ABRAXAS1: variants seen among roughly 807,000 people sequenced by gnomAD.
ABRAXAS1 encodes abraxas 1, BRCA1 A complex subunit, also known as BRCA1-A complex subunit Abraxas 1.
ABRAXAS1 carries 26 observed loss-of-function variants against 38.4 expected under a neutral mutation model. The observed-to-expected ratio is 0.68, with a 90% confidence interval of 0.50 to 0.94. ABRAXAS1 has a LOEUF of 0.94. Ranked by LOEUF, ABRAXAS1 falls within the 40% of genes least tolerant of loss-of-function variation. The pLI, the probability that ABRAXAS1 is intolerant of heterozygous loss-of-function variation, is 0.00. For missense variants in ABRAXAS1, 438 were observed against 481.9 expected (o/e 0.91, Z 0.85); for synonymous variants, 144 against 165.5 (o/e 0.87, Z 1.00).
chr4:83,459,845 T>G lies in ABRAXAS1; in HGVS notation c.*2624A>C, dbSNP rs1241238615. 2 of 1,443,712 alleles carry G rather than the reference T, an allele frequency of 1.4e-6. No individual in the cohort carries two copies. The highest frequency in any genetic ancestry group is 2.0e-5 in the Admixed American group (1 of 49,000). 89.4% of individuals were successfully genotyped at this position (1,443,712 alleles called of 1,614,324 possible). ...AATATAAATGTAGATACGAATTATA[T>G]CAATCTATTTCTATCATTTAAGAAA... On this transcript the variant is annotated 3_prime_UTR_variant, in exon 9 of 9. Transcript: ENST00000321945.
intron 1 of ABRAXAS1, chr4:83,484,087 C>G: frequency 1.1e-6 from 1 of 948,698 alleles, no homozygotes; most frequent in Non-Finnish European, 1.3e-6. Flanking sequence ...CCGATGGTCT[C>G]GAACTCGTGG....
At chr4:83,471,096 G>A (rs567161147) in intron 4 of ABRAXAS1, among the ~76,000 whole-genome samples, 2 of 150,940 alleles carry the variant, frequency 1.3e-5, no homozygotes, top group South Asian at 2.1e-4. Context: ...TTAAAAATAA[G>A]GCATTTTTAC....
intron 1 of ABRAXAS1, 71 bp from the exon 2 acceptor site, chr4:83,482,315 CTGAG>C (rs1578136782): frequency 4.2e-6 from 4 of 960,628 alleles, no homozygotes; most frequent in Non-Finnish European, 4.8e-6. Context: ...ACCGTATTTC[CTGAG>C]TATTTTACTA....
intron 3 of ABRAXAS1, among the ~76,000 whole-genome samples, chr4:83,474,428 C>G (rs76268994): frequency 0.026 from 3,872 of 151,806 alleles, 158 homozygotes; most frequent in African/African-American, 0.088. Flanking sequence ...ATGTAGTAAA[C>G]AAGGCCAGGC....
In ABRAXAS1 at chr4:83,470,601, G is replaced by T. The variant is rs368005955; in HGVS notation, c.283-205C>A. 9.9e-5 allele frequency among the ~76,000 whole-genome samples: 15 copies of T among 151,878 alleles called. 1 individual carries two copies. The highest frequency in any genetic ancestry group is 8.5e-4 in the Admixed American group (13 of 15,246). On this transcript the variant is annotated intron_variant, in intron 4 of 8. Transcript: ENST00000321945. Reference sequence around the variant, plus strand: ...GACTTACTTTCCATTCATTTGAAAGGGTACGGTTTTCATCAATATAGATTA... The same window carrying T: ...GACTTACTTTCCATTCATTTGAAAGTGTACGGTTTTCATCAATATAGATTA...
Position 83,470,393 on chromosome 4 carries a change from C to T in ABRAXAS1, c.286G>A (p.Val96Met), listed in dbSNP as rs1722535498. The T allele has an allele frequency of 6.2e-7, 1 of 1,609,216 alleles. No homozygotes were observed. Among genetic ancestry groups the T allele is most frequent in the African/African-American group, 1.3e-5 (1 of 74,792 alleles). ...CGACGGAATTTGTACCAACCTACCA[C>T]ATTCTGAAATACAGAATAAAAAGGA... ...KKILSNVKKN[V>M]VGWYKFRRHS... Residue 96 changes from valine to methionine, a missense_variant, in exon 5 of 9, where the codon GTG becomes ATG. Coordinates refer to ENST00000321945, the MANE Select transcript of ABRAXAS1 (RefSeq NM_139076.3).
chr4:83,476,756 A>G, intron 2 of ABRAXAS1, 77 bp from the exon 3 acceptor site: 1 of 913,930 alleles, frequency 1.1e-6, no homozygotes, highest in Non-Finnish European at 1.8e-6. Context: ...TTGAGCCTTT[A>G]CCTCACGCCA....
At chr4:83,476,964 C>T (rs1722798132) in intron 2 of ABRAXAS1, among the ~76,000 whole-genome samples, 1 of 152,200 alleles carries the variant, frequency 6.6e-6, no homozygotes, top group South Asian at 2.1e-4. Context: ...AAATAACGGT[C>T]TAATAAGTCC....
intron 4 of ABRAXAS1, among the ~76,000 whole-genome samples, chr4:83,471,611 G>C (rs1722594482): frequency 6.6e-6 from 1 of 152,080 alleles, no homozygotes; most frequent in Non-Finnish European, 1.5e-5. Context: ...AATCCATTTT[G>C]ATCATTCAAC....
intron 7 of ABRAXAS1, among the ~76,000 whole-genome samples, chr4:83,464,274 A>G (rs753990657): frequency 2.6e-5 from 4 of 152,248 alleles, no homozygotes; most frequent in Non-Finnish European, 5.9e-5. Context: ...ACTCACAGTA[A>G]GTGAAACAAA....
Position 83,461,259 on chromosome 4 carries a change from T to C in ABRAXAS1, c.*1210A>G. ...GTAAGTGGTTGTATGATGCCAATAC[T>C]GACTCAAACCAACCTTTGGATAGAA... On this transcript the variant is annotated 3_prime_UTR_variant, in exon 9 of 9. Transcript: ENST00000321945. 7.0e-7 allele frequency: 1 copy of C among 1,419,268 alleles called. No homozygotes were observed. Among genetic ancestry groups the C allele is most frequent in the South Asian group, 1.2e-5 (1 of 86,274 alleles). The allele number at this position is 1,419,268 out of a possible 1,614,324, so 87.9% of individuals were successfully genotyped here.
At chr4:83,484,651 G>C (rs1723115521) in intron 1 of ABRAXAS1, among the ~76,000 whole-genome samples, 1 of 152,258 alleles carries the variant, frequency 6.6e-6, no homozygotes, top group Non-Finnish European at 1.5e-5. Flanking sequence ...GCTCCGCAGA[G>C]CAGCGGAAAG....
At chr4:83,483,536 G>A (rs114613720) in intron 1 of ABRAXAS1, among the ~76,000 whole-genome samples, 3,629 of 151,968 alleles carry the variant, frequency 0.024, 136 homozygotes, top group African/African-American at 0.083. Context: ...TCCTGCCTCC[G>A]CGTCCCAAAG....
rs869128932 is a variant in ABRAXAS1, at chr4:83,471,191, CTTTTTTTTTTTTTTTTTTTTT to C, written c.283-816_283-796del. 1.7e-3 allele frequency among the ~76,000 whole-genome samples: 99 copies of C among 58,202 alleles called. 1 individual carries two copies. The highest frequency in any genetic ancestry group is 4.8e-3 in the African/African-American group (95 of 19,752). 38.2% of individuals were successfully genotyped at this position (58,202 alleles called of 152,430 possible). A position where few individuals can be genotyped will look rare whatever the true frequency, so the allele number is the denominator to read the frequency against. On this transcript the variant is annotated intron_variant, in intron 4 of 8. Transcript: ENST00000321945. Reference sequence around the variant, plus strand: ...CAAACATATTTGTTGAAAGAAACATCTTTTTTTTTTTTTTTTTTTTTTTTTTTTTTTTGAGACAGTCTGGCT... The same window carrying C: ...CAAACATATTTGTTGAAAGAAACATCTTTTTTTTTTTGAGACAGTCTGGCT...
intron 1 of ABRAXAS1, chr4:83,484,242 C>T (rs1289050035): frequency 4.1e-6 from 4 of 980,968 alleles, no homozygotes; most frequent in Admixed American, 6.1e-5. Flanking sequence ...AGGCATTGTT[C>T]AGCAGGGTAT....
intron 4 of ABRAXAS1, among the ~76,000 whole-genome samples, chr4:83,471,414 T>TG (rs1215305232): frequency 6.6e-6 from 1 of 151,894 alleles, no homozygotes; most frequent in Non-Finnish European, 1.5e-5. Flanking sequence ...TTCACCGTGT[T>TG]GGTCAGGCTG....
Position 83,485,055 on chromosome 4 carries a change from C to G in ABRAXAS1, c.18G>C (p.Thr6=), listed in dbSNP as rs752871858. ...GCACAAAGCCCGAGAGCACCGCCGA[C>G]GTACTCTCCCCCTCCATGCTACCGC... MEGES[T]SAVLSGFVLG... Residue 6 remains threonine, a synonymous_variant, in exon 1 of 9, where the codon ACG becomes ACC. Transcript: ENST00000321945. 1 of 1,593,426 alleles carries G rather than the reference C, an allele frequency of 6.3e-7. No individual in the cohort carries two copies. The highest frequency in any genetic ancestry group is 1.1e-5 in the South Asian group (1 of 88,906).
chr4:83,483,929 A>T, intron 1 of ABRAXAS1: 1 of 673,580 alleles, frequency 1.5e-6, no homozygotes, highest in Non-Finnish European at 1.8e-6. Context: ...AAATGGTCAT[A>T]TATTTGTTCT....
At chr4:83,463,321 G>A (rs1722215851) in intron 8 of ABRAXAS1, among the ~76,000 whole-genome samples, 173 bp downstream of exon 8, 2 of 152,090 alleles carry the variant, frequency 1.3e-5, no homozygotes, top group Non-Finnish European at 2.9e-5. Flanking sequence ...GAATCCCAGC[G>A]TTTCAGGAGG....
Sources: gnomAD v4.1 joint callset for allele counts (sites outside exome capture counted in the v4.1 genomes callset) on GRCh38, gnomAD v4.1.1 for gene constraint, MANE v1.5 for transcripts, NCBI Gene and HGNC (gene_info 2026-07-23, HGNC 2026-07-21) for gene names.